The following CDH12 variants were observed in gnomAD, a reference collection of about 807,000 sequenced individuals.
CDH12 encodes cadherin-12.
In CDH12, 41 loss-of-function variants were observed where a neutral mutation model predicts 74.1. That is an observed-to-expected ratio of 0.55 (90% confidence interval 0.43 to 0.72). The LOEUF (loss-of-function observed/expected upper bound fraction) is 0.72. Ranked by LOEUF, CDH12 falls within the 30% of genes least tolerant of loss-of-function variation. The pLI is 0.00. For missense variants in CDH12, 945 were observed against 977.2 expected, an observed-to-expected ratio of 0.97 and a Z score of 0.44; for synonymous variants, 399 against 355.0, an observed-to-expected ratio of 1.12 and a Z score of -1.39.
At chr5:21,974,217 C>T (rs1287724711) in intron 6 of CDH12, among the ~76,000 whole-genome samples, 2 of 151,374 alleles carry the variant, frequency 1.3e-5, no homozygotes, top group Non-Finnish European at 3.0e-5. Context: ...GGCTCATACA[C>T]GAATTTTAAG....
At chr5:22,238,621 G>C (rs1284231413) in intron 3 of CDH12, among the ~76,000 whole-genome samples, 3 of 152,168 alleles carry the variant, frequency 2.0e-5, no homozygotes, top group African/African-American at 7.2e-5. Context: ...GCTGAGGTCA[G>C]GCAGGTAATA....
chr5:22,354,920 T>C (rs1242330262), intron 3 of CDH12, among the ~76,000 whole-genome samples: 1 of 152,096 alleles, frequency 6.6e-6, no homozygotes, highest in African/African-American at 2.4e-5. Context: ...ACATCACCAT[T>C]TCATAATGAG....
chr5:21,887,871 C>T (rs1156289803), intron 6 of CDH12, among the ~76,000 whole-genome samples: 1 of 151,734 alleles, frequency 6.6e-6, no homozygotes. Flanking sequence ...TTGAGCAGTG[C>T]CAGGAGTAGA....
chr5:22,570,941 C>T (rs958476465), intron 1 of CDH12, among the ~76,000 whole-genome samples: 9 of 152,196 alleles, frequency 5.9e-5, no homozygotes, highest in African/African-American at 1.2e-4. Context: ...CATAGGAACT[C>T]GCTGCTTCAC....
intron 5 of CDH12, among the ~76,000 whole-genome samples, chr5:22,036,201 A>G (rs1290531099): frequency 6.6e-6 from 1 of 152,190 alleles, no homozygotes; most frequent in Admixed American, 6.6e-5. Context: ...CAATTTTTTT[A>G]GCCTTGGCAA....
At chr5:22,285,588 C>A (rs537914442) in intron 3 of CDH12, among the ~76,000 whole-genome samples, 8 of 152,106 alleles carry the variant, frequency 5.3e-5, no homozygotes, top group African/African-American at 1.9e-4. Flanking sequence ...CAGGTGGTAT[C>A]CACTAAATAA....
In CDH12 at chr5:22,516,884, TGAAAA is replaced by T. The variant is rs1431926880; in HGVS notation, c.-522-11525_-522-11521del. On this transcript the variant is annotated intron_variant, in intron 1 of 14. Coordinates refer to ENST00000382254, the MANE Select transcript of CDH12 (RefSeq NM_004061.5). The stretch of plus-strand genomic sequence containing the variant: ...GAAAAACAGTATATTAATACAGAAA[TGAAAA>T]GAAACATTGGAGAGGTGTTAAAAAA... Among the ~76,000 whole-genome samples, 20 of 151,758 alleles carry T rather than the reference TGAAAA, an allele frequency of 1.3e-4. No individual in the cohort carries two copies. In the East Asian group the frequency reaches 2.7e-3, roughly 21 times the overall value.
intron 6 of CDH12, among the ~76,000 whole-genome samples, chr5:21,866,183 C>T (rs1751316086): frequency 6.6e-6 from 1 of 152,160 alleles, no homozygotes; most frequent in Admixed American, 6.5e-5. Flanking sequence ...ATTGCCCAGA[C>T]TCCAGTGTTT....
At chr5:21,989,139 A>G (rs1757644408) in intron 5 of CDH12, among the ~76,000 whole-genome samples, 1 of 152,346 alleles carries the variant, frequency 6.6e-6, no homozygotes, top group African/African-American at 2.4e-5. Flanking sequence ...GAAGGAAAAA[A>G]GAAAAGACAA....
intron 1 of CDH12, among the ~76,000 whole-genome samples, chr5:22,729,125 T>C (rs1169488613): frequency 1.3e-5 from 2 of 151,784 alleles, no homozygotes; most frequent in African/African-American, 4.8e-5. Flanking sequence ...AATAACAATA[T>C]ATATATTTTT....
intron 4 of CDH12, among the ~76,000 whole-genome samples, chr5:22,094,034 G>A (rs1277419733): frequency 6.6e-6 from 1 of 152,002 alleles, no homozygotes; most frequent in Non-Finnish European, 1.5e-5. Context: ...TGACCACCTG[G>A]GCAGCATATA....
intron 1 of CDH12, among the ~76,000 whole-genome samples, chr5:22,824,120 A>G (rs748109681): frequency 6.6e-6 from 1 of 152,192 alleles, no homozygotes. Flanking sequence ...CATAGCATCA[A>G]TGGAAACTAG....
intron 6 of CDH12, among the ~76,000 whole-genome samples, chr5:21,861,983 T>C (rs1751071539): frequency 1.3e-5 from 2 of 152,032 alleles, no homozygotes; most frequent in African/African-American, 4.8e-5. Flanking sequence ...TGTGTCTATC[T>C]GTTGAAAGGT....
intron 2 of CDH12, among the ~76,000 whole-genome samples, chr5:22,425,567 C>A (rs988036537): frequency 6.6e-6 from 1 of 151,860 alleles, no homozygotes; most frequent in Non-Finnish European, 1.5e-5. Flanking sequence ...CAATATAGTT[C>A]GTCAGTTTTC....
intron 4 of CDH12, among the ~76,000 whole-genome samples, chr5:22,085,378 C>T (rs898226550): frequency 1.1e-4 from 16 of 152,092 alleles, no homozygotes; most frequent in Admixed American, 7.9e-4. Flanking sequence ...ATATAAATTA[C>T]ATTGAAAGGG....
chr5:22,371,692 C>A (rs1029764142), intron 3 of CDH12, among the ~76,000 whole-genome samples: 1 of 152,126 alleles, frequency 6.6e-6, no homozygotes, highest in Non-Finnish European at 1.5e-5. Flanking sequence ...AATTAACTAG[C>A]TTTTAAAATC....
At chr5:22,102,567 G>A (rs1246548265) in intron 4 of CDH12, among the ~76,000 whole-genome samples, 1 of 152,102 alleles carries the variant, frequency 6.6e-6, no homozygotes, top group African/African-American at 2.4e-5. Flanking sequence ...TACCTGGGAG[G>A]CTGAGGCAGG....
chr5:22,659,687 G>A (rs1214238561), intron 1 of CDH12, among the ~76,000 whole-genome samples: 1 of 151,556 alleles, frequency 6.6e-6, no homozygotes, highest in Non-Finnish European at 1.5e-5. Context: ...TCTCTCTCTC[G>A]TGCATACATA....
chr5:22,024,706 G>T (rs10056735), intron 5 of CDH12, among the ~76,000 whole-genome samples: 33,705 of 151,790 alleles, frequency 0.22, 3,844 homozygotes, highest in South Asian at 0.33. Flanking sequence ...TAGAGACAAT[G>T]TATTGCCATA....
Sources: allele counts gnomAD v4.1 joint callset (sites outside exome capture counted in the v4.1 genomes callset), GRCh38; gene constraint gnomAD v4.1.1; transcripts MANE v1.5; gene names NCBI Gene and HGNC (gene_info 2026-07-23, HGNC 2026-07-21).